The following GRID2 variants were observed in gnomAD, a reference collection of about 807,000 sequenced individuals.
The protein encoded by GRID2 is glutamate receptor ionotropic, delta-2.
In GRID2, 33 loss-of-function variants were observed where a neutral mutation model predicts 114.8. That is an observed-to-expected ratio of 0.29 (90% CI 0.22 to 0.38). The LOEUF (loss-of-function observed/expected upper bound fraction) is 0.38. Ranked by LOEUF, GRID2 falls within the 10% of genes least tolerant of loss-of-function variation. GRID2 has a pLI of 1.00. For missense variants in GRID2, 1,184 were observed against 1,257.7 expected, an observed-to-expected ratio of 0.94 and a Z score of 0.89; for synonymous variants, 505 against 449.9, an observed-to-expected ratio of 1.12 and a Z score of -1.55.
intron 1 of GRID2, among the ~76,000 whole-genome samples, chr4:92,385,894 GTGTGTGTATATA>G (rs1423909367): frequency 3.7e-5 from 3 of 80,994 alleles, no homozygotes; most frequent in East Asian, 8.9e-4. Flanking sequence ...GTGTGTGTGT[GTGTGTGTATATA>G]TATATATATA....
At chr4:93,302,616 T>C (rs1033178693) in intron 8 of GRID2, 32 of 456,018 alleles carry the variant, frequency 7.0e-5, no homozygotes, top group Middle Eastern at 3.3e-4. Flanking sequence ...TGACCATTCA[T>C]ATACATTCAT....
At chr4:92,337,764 A>G (rs1055119447) in intron 1 of GRID2, among the ~76,000 whole-genome samples, 13 of 152,104 alleles carry the variant, frequency 8.5e-5, no homozygotes, top group African/African-American at 3.1e-4. Flanking sequence ...GCCCAAGGAG[A>G]TTTGGGTGGG....
chr4:92,475,129 A>AAATAATAAT lies in GRID2; in HGVS notation c.89-114984_89-114976dup, dbSNP rs138643012. Among the ~76,000 whole-genome samples the AAATAATAAT allele has an allele frequency of 2.7e-3, 386 of 144,848 alleles. 3 individuals are homozygous for AAATAATAAT. The highest frequency in any genetic ancestry group is 8.9e-3 in the African/African-American group (352 of 39,474). ...AAACTTAAAGTATAATAATAATAAT[A>AAATAATAAT]AATAATAATAATAATAATAATAATA... is the stretch of plus-strand genomic sequence containing the variant. On this transcript the variant is annotated intron_variant, in intron 1 of 15. Transcript: ENST00000282020.
At position 93,016,155 on chromosome 4, in the gene GRID2, A is replaced by G. The variant is rs147131916; in HGVS notation, c.245-68840A>G. On this transcript the variant is annotated intron_variant, in intron 2 of 15. Coordinates refer to ENST00000282020, the MANE Select transcript of GRID2 (RefSeq NM_001510.4). ...CATACTAGCATGTTCAGGGAAAGGA[A>G]CCATTGAAAAGAAAAAAGGTAATAA... 1.2e-4 allele frequency among the ~76,000 whole-genome samples: 18 copies of G among 152,012 alleles called. No individual in the cohort carries two copies. In the East Asian group the frequency reaches 3.5e-3, roughly 29 times the overall value.
intron 2 of GRID2, chr4:92,822,575 C>T (rs1434721617): frequency 1.2e-5 from 3 of 254,442 alleles, no homozygotes; most frequent in South Asian, 3.9e-5. Context: ...AGACAATCTA[C>T]AGGTTGTCAA....
intron 13 of GRID2, among the ~76,000 whole-genome samples, chr4:93,582,958 T>C (rs999704570): frequency 1.1e-4 from 16 of 152,126 alleles, no homozygotes; most frequent in African/African-American, 3.6e-4. Flanking sequence ...ATCAAGGTGT[T>C]GGCAGGGCCA....
intron 1 of GRID2, among the ~76,000 whole-genome samples, chr4:92,467,712 T>G (rs1188197947): frequency 6.6e-6 from 1 of 152,072 alleles, no homozygotes; most frequent in Non-Finnish European, 1.5e-5. Context: ...TGCTGTAACT[T>G]GAACGAACAC....
At chr4:92,591,130 G>A (rs890253538) in intron 2 of GRID2, among the ~76,000 whole-genome samples, 2 of 152,088 alleles carry the variant, frequency 1.3e-5, no homozygotes, top group African/African-American at 4.8e-5. Flanking sequence ...GGGCCTTCAG[G>A]AGATGATTAG....
intron 2 of GRID2, among the ~76,000 whole-genome samples, chr4:92,608,591 T>C (rs997281490): frequency 5.3e-5 from 8 of 151,960 alleles, no homozygotes; most frequent in African/African-American, 1.7e-4. Context: ...ACATTTGGCA[T>C]TGTGTGCTAT....
chr4:93,148,395 G>A (rs930369038), intron 4 of GRID2, among the ~76,000 whole-genome samples: 4 of 151,856 alleles, frequency 2.6e-5, no homozygotes, highest in African/African-American at 9.7e-5. Flanking sequence ...ATACATAGAA[G>A]ACAAAAATAA....
intron 2 of GRID2, among the ~76,000 whole-genome samples, chr4:92,772,738 C>T (rs1175780149): frequency 2.0e-5 from 3 of 152,088 alleles, no homozygotes; most frequent in Admixed American, 1.3e-4. Flanking sequence ...CTCCATTTTC[C>T]CACATTTTGC....
chr4:93,431,888 A>G (rs1038209456), intron 10 of GRID2, among the ~76,000 whole-genome samples: 3 of 152,234 alleles, frequency 2.0e-5, no homozygotes, highest in Non-Finnish European at 4.4e-5. Context: ...TAAACTGAAA[A>G]TTGATTTTAA....
chr4:93,429,215 G>C (rs1263437576), intron 10 of GRID2, among the ~76,000 whole-genome samples: 1 of 152,178 alleles, frequency 6.6e-6, no homozygotes, highest in East Asian at 1.9e-4. Flanking sequence ...GGAGAAGCCA[G>C]ATGGCAAAGG....
At chr4:93,010,221 G>GATT (rs1721993229) in intron 2 of GRID2, among the ~76,000 whole-genome samples, 1 of 151,910 alleles carries the variant, frequency 6.6e-6, no homozygotes, top group Admixed American at 6.6e-5. Context: ...GATGATAGAT[G>GATT]ATTATATGAT....
At chr4:92,641,956 G>A (rs1286292496) in intron 2 of GRID2, among the ~76,000 whole-genome samples, 2 of 150,328 alleles carry the variant, frequency 1.3e-5, no homozygotes, top group African/African-American at 2.4e-5. Flanking sequence ...GCCACAAATG[G>A]CATTATTTCA....
chr4:93,648,984 A>T (rs539761191), intron 14 of GRID2, among the ~76,000 whole-genome samples: 3 of 152,298 alleles, frequency 2.0e-5, no homozygotes, highest in Non-Finnish European at 4.4e-5. Flanking sequence ...AAAGCTTAGC[A>T]CAAAGGATAG....
intron 11 of GRID2, among the ~76,000 whole-genome samples, chr4:93,473,774 C>G (rs1380793158): frequency 6.6e-6 from 1 of 151,982 alleles, no homozygotes; most frequent in Non-Finnish European, 1.5e-5. Flanking sequence ...AAAAACTACC[C>G]GAGATGTCTA....
intron 9 of GRID2, among the ~76,000 whole-genome samples, chr4:93,412,462 C>T (rs192257836): frequency 1.6e-4 from 25 of 152,232 alleles, no homozygotes; most frequent in Non-Finnish European, 2.6e-4. Context: ...TCCTAGATAA[C>T]TTGCAATGAA....
At position 92,664,026 on chromosome 4, in the gene GRID2, A is replaced by T. The variant is rs1732650499; in HGVS notation, c.244+73740A>T. Reference sequence around the variant, plus strand: ...CTCCATTTTACTTATCTTTGCTCTAACGTTTATTATTTCCTTCCTTCTTCT... The same window carrying T: ...CTCCATTTTACTTATCTTTGCTCTATCGTTTATTATTTCCTTCCTTCTTCT... On this transcript the variant is annotated intron_variant, in intron 2 of 15. Transcript: ENST00000282020. Among the ~76,000 whole-genome samples, 5 of 150,684 alleles carry T rather than the reference A, an allele frequency of 3.3e-5. No homozygotes were observed. The South Asian group carries it at 1.0e-3, about 31-fold the overall frequency.
Sources: gnomAD v4.1 joint callset for allele counts (sites outside exome capture counted in the v4.1 genomes callset) on GRCh38, gnomAD v4.1.1 for gene constraint, MANE v1.5 for transcripts, NCBI Gene and HGNC (gene_info 2026-07-23, HGNC 2026-07-21) for gene names.